Variants in GSG1L observed in about 807,000 individuals in gnomAD.
GSG1L encodes germ cell-specific gene 1-like protein.
In GSG1L, 24 loss-of-function variants were observed where a neutral mutation model predicts 42.1. The ratio of observed to expected loss-of-function variants is 0.57; its 90% CI spans 0.41 to 0.80. GSG1L has a LOEUF of 0.80. Ranked by LOEUF, GSG1L falls within the 30% of genes least tolerant of loss-of-function variation. The pLI is 0.00. For missense variants in GSG1L, 445 were observed against 472.2 expected, an observed-to-expected ratio of 0.94 and a Z score of 0.53; for synonymous variants, 215 against 203.5, an observed-to-expected ratio of 1.06 and a Z score of -0.48.
At chr16:27,962,133 C>T (rs1168463802) in intron 2 of GSG1L, among the ~76,000 whole-genome samples, 1 of 152,164 alleles carries the variant, frequency 6.6e-6, no homozygotes, top group Non-Finnish European at 1.5e-5. Context: ...GAGGCAGCCA[C>T]ACTCCCCCGT....
At chr16:27,974,128 C>A (rs2085225803) in intron 1 of GSG1L, among the ~76,000 whole-genome samples, 1 of 152,112 alleles carries the variant, frequency 6.6e-6, no homozygotes, top group Non-Finnish European at 1.5e-5. Flanking sequence ...CAGAGGCCCA[C>A]TGGAGGGTGA....
chr16:27,956,743 C>G (rs1405973759), intron 2 of GSG1L, among the ~76,000 whole-genome samples: 1 of 152,086 alleles, frequency 6.6e-6, no homozygotes, highest in Non-Finnish European at 1.5e-5. Flanking sequence ...CAGCCTATAT[C>G]CTGGAACCAA....
intron 6 of GSG1L, 94 bp downstream of exon 6, chr16:27,807,393 G>A (rs2082977923): frequency 2.1e-6 from 2 of 948,896 alleles, no homozygotes; most frequent in Non-Finnish European, 3.3e-6. Context: ...GTGCAGTGGG[G>A]GGTGGGGGCT....
At chr16:28,010,298 T>A (rs1026298975) in intron 1 of GSG1L, among the ~76,000 whole-genome samples, 1 of 152,140 alleles carries the variant, frequency 6.6e-6, no homozygotes, top group African/African-American at 2.4e-5. Flanking sequence ...ACTACCCCAT[T>A]CAGGAGGGAG....
intron 2 of GSG1L, among the ~76,000 whole-genome samples, chr16:27,960,376 C>G (rs182072326): frequency 6.6e-6 from 1 of 152,164 alleles, no homozygotes; most frequent in Non-Finnish European, 1.5e-5. Flanking sequence ...CTCAGCATAG[C>G]ACCTGGCACA....
chr16:28,046,376 C>T (rs1324877530), intron 1 of GSG1L, among the ~76,000 whole-genome samples: 1 of 106,016 alleles, frequency 9.4e-6, no homozygotes, highest in Admixed American at 1.3e-4. Flanking sequence ...TTTTCTGAGA[C>T]GGAGTCTAGT....
At position 27,909,603 on chromosome 16, in the gene GSG1L, C is replaced by T. The variant is rs564407718; in HGVS notation, c.398-24965G>A. ...GGAGGGAGAAGGCGAAGGAACTAAC[C>T]AAACACCTGCATGACTCTGCACTGC... On this transcript the variant is annotated intron_variant, in intron 2 of 6. Transcript: ENST00000447459. 2.0e-5 allele frequency among the ~76,000 whole-genome samples: 3 copies of T among 150,012 alleles called. No homozygotes were observed. The East Asian group carries it at 5.9e-4, about 29-fold the overall frequency.
At chr16:28,057,184 G>A (rs1224526112) in intron 1 of GSG1L, among the ~76,000 whole-genome samples, 1 of 152,124 alleles carries the variant, frequency 6.6e-6, no homozygotes, top group African/African-American at 2.4e-5. Flanking sequence ...GGAAGGGTCC[G>A]GAGTGGGGAA....
At chr16:27,829,356 C>G (rs1235190132) in intron 4 of GSG1L, among the ~76,000 whole-genome samples, 1 of 152,062 alleles carries the variant, frequency 6.6e-6, no homozygotes, top group Non-Finnish European at 1.5e-5. Context: ...CATCAAACAG[C>G]AGGGAATGTT....
At chr16:27,896,838 G>A (rs1755228355) in intron 2 of GSG1L, among the ~76,000 whole-genome samples, 1 of 152,206 alleles carries the variant, frequency 6.6e-6, no homozygotes, top group African/African-American at 2.4e-5. Flanking sequence ...AAGGAACACA[G>A]TCCGGCTGAC....
intron 1 of GSG1L, among the ~76,000 whole-genome samples, chr16:27,995,799 A>G (rs2085508936): frequency 6.6e-6 from 1 of 151,728 alleles, no homozygotes; most frequent in South Asian, 2.1e-4. Context: ...GGCGTGTACC[A>G]CCGCACCTGG....
intron 1 of GSG1L, among the ~76,000 whole-genome samples, chr16:27,977,177 G>A (rs1325801881): frequency 6.6e-6 from 1 of 152,210 alleles, no homozygotes; most frequent in African/African-American, 2.4e-5. Flanking sequence ...CAGAGGCAGA[G>A]TGACCTACCC....
chr16:27,812,451 C>A (rs1170355396), intron 5 of GSG1L, among the ~76,000 whole-genome samples: 1 of 152,220 alleles, frequency 6.6e-6, no homozygotes, highest in African/African-American at 2.4e-5. Context: ...CTCAACTCTG[C>A]CCCTGCCGTG....
At chr16:27,869,752 CT>C (rs2083786112) in intron 3 of GSG1L, among the ~76,000 whole-genome samples, 1 of 101,188 alleles carries the variant, frequency 9.9e-6, no homozygotes. Flanking sequence ...TCTCTCTCTC[CT>C]TCTCTGTCTC....
chr16:28,020,126 G>A (rs2085823963), intron 1 of GSG1L, among the ~76,000 whole-genome samples: 1 of 152,228 alleles, frequency 6.6e-6, no homozygotes, highest in South Asian at 2.1e-4. Flanking sequence ...AGTGATTGAA[G>A]TCAAAGACTC....
chr16:27,801,317 C>T (rs186481190), intron 6 of GSG1L, among the ~76,000 whole-genome samples: 78 of 152,320 alleles, frequency 5.1e-4, no homozygotes, highest in African/African-American at 1.7e-3. Flanking sequence ...ATTTGCCTTA[C>T]AGCACTGTAT....
chr16:27,869,314 T>C (rs1432115095), intron 3 of GSG1L, among the ~76,000 whole-genome samples: 1 of 151,566 alleles, frequency 6.6e-6, no homozygotes, highest in Non-Finnish European at 1.5e-5. Context: ...TTCCCTCTCA[T>C]AGGATTAACA....
chr16:27,990,804 A>G (rs2085447186), intron 1 of GSG1L, among the ~76,000 whole-genome samples: 1 of 152,228 alleles, frequency 6.6e-6, no homozygotes, highest in Non-Finnish European at 1.5e-5. Context: ...ATGTGTCTTT[A>G]TAGCAGCATG....
intron 3 of GSG1L, among the ~76,000 whole-genome samples, chr16:27,858,148 T>C (rs1310560238): frequency 6.6e-6 from 1 of 152,238 alleles, no homozygotes; most frequent in Non-Finnish European, 1.5e-5. Context: ...ACGCTGGGAC[T>C]CCATCCAATT....
Sources: gnomAD v4.1 joint callset for allele counts (sites outside exome capture counted in the v4.1 genomes callset) on GRCh38, gnomAD v4.1.1 for gene constraint, MANE v1.5 for transcripts, NCBI Gene and HGNC (gene_info 2026-07-23, HGNC 2026-07-21) for gene names.